CLUAP1: variants seen among roughly 807,000 people sequenced by gnomAD.
The protein encoded by CLUAP1 is clusterin-associated protein 1.
In CLUAP1, 50 loss-of-function variants were observed where a neutral mutation model predicts 55.0. That is an observed-to-expected ratio of 0.91 (90% CI 0.72 to 1.15). The LOEUF is 1.15. CLUAP1 is among the 50% of genes most tolerant of loss of function. The pLI is 0.00. For synonymous variants in CLUAP1, 195 were observed against 175.4 expected (o/e 1.11, Z -0.88); for missense variants, 530 against 507.6 (o/e 1.04, Z -0.42).
intron 11 of CLUAP1, chr16:3,534,104 A>G (rs1486102658): frequency 6.6e-6 from 1 of 152,218 alleles, no homozygotes; most frequent in African/African-American, 2.4e-5. Context: ...GCTGTCGTGG[A>G]TTATGGGGAA....
chr16:3,506,548 G>A (rs1480131383), intron 3 of CLUAP1, 133 bp downstream of exon 3: 8 of 714,858 alleles, frequency 1.1e-5, no homozygotes, highest in East Asian at 5.6e-5. Context: ...TCATTCTCTC[G>A]CCCAGGCCGG....
chr16:3,502,504 T>C (rs2037426232), intron 1 of CLUAP1, among the ~76,000 whole-genome samples: 1 of 148,970 alleles, frequency 6.7e-6, no homozygotes, highest in Non-Finnish European at 1.5e-5. Flanking sequence ...ATCCGAGGGG[T>C]CTCTTAAAGC....
chr16:3,536,206 C>A lies in CLUAP1; in HGVS notation c.1177C>A (p.Pro393Thr). 1.9e-6 allele frequency: 3 copies of A among 1,614,138 alleles called. No individual in the cohort carries two copies. The highest frequency in any genetic ancestry group is 2.7e-5 in the African/African-American group (2 of 75,024). The change falls in exon 12 of 12, where the codon CCA becomes ACA. Residue 393 changes from proline (P) to threonine (T), a missense_variant. Pro to Thr is a conservative substitution (Grantham distance 38). Transcript: ENST00000576634. Reference protein sequence around the residue: ...DLEDESISLSPTKPNRRVRKS... With the variant: ...DLEDESISLSTTKPNRRVRKS... Reference sequence around the variant, plus strand: ...GGAAGACGAGAGCATTTCTCTCTCACCAACCAAGCCCAATCGAAGGGTCCG... The same window carrying A: ...GGAAGACGAGAGCATTTCTCTCTCAACAACCAAGCCCAATCGAAGGGTCCG...
chr16:3,508,256 C>T lies in CLUAP1; in HGVS notation c.220-33C>T, dbSNP rs779125569. The T allele has an allele frequency of 2.6e-6, 4 of 1,552,984 alleles. No individual in the cohort carries two copies. In the African/African-American group the frequency reaches 5.6e-5, roughly 22 times the overall value. On this transcript the variant is annotated intron_variant, in intron 3 of 11. Coordinates refer to ENST00000576634, the MANE Select transcript of CLUAP1 (RefSeq NM_015041.3). The stretch of plus-strand genomic sequence containing the variant: ...AGTTTAGACATTACATGGAAAGGGC[C>T]TTCAACTTTTTTTTTTTTTGGTCTA...
chr16:3,500,512 G>A (rs1214101316), upstream of CLUAP1, among the ~76,000 whole-genome samples: 1 of 152,096 alleles, frequency 6.6e-6, no homozygotes, highest in African/African-American at 2.4e-5. Flanking sequence ...TGGGATTACA[G>A]GTGTGCGCCA....
At chr16:3,500,287 C>A (rs1159799455), upstream of CLUAP1, among the ~76,000 whole-genome samples, 1 of 152,244 alleles carries the variant, frequency 6.6e-6, no homozygotes, top group Non-Finnish European at 1.5e-5. Flanking sequence ...GTGATCCCGT[C>A]CTCCGCTCGG....
chr16:3,498,911 AGAC>A (rs1433360431), upstream of CLUAP1, among the ~76,000 whole-genome samples: 13 of 152,156 alleles, frequency 8.5e-5, no homozygotes, highest in Non-Finnish European at 1.5e-4. Flanking sequence ...AAAAGTGAAA[AGAC>A]AACCTATGAA....
chr16:3,507,975 C>G (rs2037542278), intron 3 of CLUAP1, among the ~76,000 whole-genome samples: 1 of 152,084 alleles, frequency 6.6e-6, no homozygotes, highest in African/African-American at 2.4e-5. Context: ...TGGAACAGTG[C>G]TGTAACAAAT....
chr16:3,522,921 AG>A (rs1190049643), intron 7 of CLUAP1, among the ~76,000 whole-genome samples: 3 of 152,208 alleles, frequency 2.0e-5, no homozygotes, highest in Non-Finnish European at 2.9e-5. Context: ...TCATACTTTC[AG>A]GATTATTTCA....
intron 4 of CLUAP1, among the ~76,000 whole-genome samples, chr16:3,511,319 C>A (rs73503330): frequency 2.0e-3 from 301 of 152,268 alleles, no homozygotes; most frequent in African/African-American, 6.8e-3. Context: ...GAAGAGTTAG[C>A]ATATTCTAGG....
At chr16:3,526,376 G>T in intron 8 of CLUAP1, 36 bp from the exon 9 acceptor site, 1 of 1,464,274 alleles carries the variant, frequency 6.8e-7, no homozygotes, top group Non-Finnish European at 9.3e-7. Context: ...CCAGAAAAGG[G>T]CCATCTCTCC....
intron 7 of CLUAP1, among the ~76,000 whole-genome samples, chr16:3,521,837 T>C (rs1022897113): frequency 2.0e-4 from 30 of 151,934 alleles, no homozygotes; most frequent in Admixed American, 1.8e-3. Context: ...GGCAGATCGC[T>C]TGAACTCAGG....
intron 3 of CLUAP1, among the ~76,000 whole-genome samples, chr16:3,506,932 C>T (rs1425764473): frequency 6.6e-6 from 1 of 152,070 alleles, no homozygotes; most frequent in Non-Finnish European, 1.5e-5. Flanking sequence ...TGTGGTGGCT[C>T]ACGCCTGTAA....
chr16:3,503,576 G>A (rs1376633473), intron 1 of CLUAP1, among the ~76,000 whole-genome samples: 9 of 150,846 alleles, frequency 6.0e-5, no homozygotes, highest in Admixed American at 6.0e-4. Flanking sequence ...GATTACAGGC[G>A]TGAACCACCC....
chr16:3,531,855 T>C (rs1449868971), intron 10 of CLUAP1, among the ~76,000 whole-genome samples: 2 of 151,268 alleles, frequency 1.3e-5, no homozygotes, highest in African/African-American at 4.9e-5. Context: ...TTTTTTTTTT[T>C]CTTTTTGAGA....
At chr16:3,506,607 G>T (rs1221805076) in intron 3 of CLUAP1, among the ~76,000 whole-genome samples, 192 bp downstream of exon 3, 1 of 151,966 alleles carries the variant, frequency 6.6e-6, no homozygotes, top group Non-Finnish European at 1.5e-5. Flanking sequence ...CTCCTCGGGG[G>T]TTCTCCTGTC....
chr16:3,509,215 C>T (rs2151045937), intron 4 of CLUAP1, among the ~76,000 whole-genome samples: 1 of 152,224 alleles, frequency 6.6e-6, no homozygotes, highest in Admixed American at 6.5e-5. Context: ...TGGCACTGCG[C>T]TCCCGCCTAG....
intron 10 of CLUAP1, among the ~76,000 whole-genome samples, chr16:3,531,103 C>G (rs2038107146): frequency 6.6e-6 from 1 of 152,222 alleles, no homozygotes; most frequent in African/African-American, 2.4e-5. Flanking sequence ...CACCTTATTC[C>G]CAGCTACTCA....
chr16:3,496,007 G>A (rs1230446376), upstream of CLUAP1, among the ~76,000 whole-genome samples: 1 of 152,122 alleles, frequency 6.6e-6, no homozygotes, highest in Non-Finnish European at 1.5e-5. Flanking sequence ...CGGGCGTCGT[G>A]GCGGGAGCCT....
Sources: gnomAD v4.1 joint callset for allele counts (sites outside exome capture counted in the v4.1 genomes callset) on GRCh38, gnomAD v4.1.1 for gene constraint, MANE v1.5 for transcripts, NCBI Gene and HGNC (gene_info 2026-07-23, HGNC 2026-07-21) for gene names.